UBP1: variants seen among roughly 807,000 people sequenced by gnomAD.
UBP1 encodes upstream binding protein 1, also known as upstream-binding protein 1.
Under a neutral mutation model 76.1 loss-of-function variants are expected in UBP1, and 22 were observed. That is an observed-to-expected ratio of 0.29 (90% CI 0.21 to 0.41). The LOEUF is 0.41. Ranked by LOEUF, UBP1 falls within the 10% of genes least tolerant of loss-of-function variation. The probability of loss-of-function intolerance (pLI) is 1.00; values close to 1 mark genes in which losing one functional copy is unlikely to be tolerated. For synonymous variants in UBP1, 224 were observed against 237.1 expected (o/e 0.94, Z 0.51); for missense variants, 436 against 668.1 (o/e 0.65, Z 3.83).
chr3:33,425,854 A>T, intron 1 of UBP1, 113 bp from the exon 2 acceptor site: 1 of 939,794 alleles, frequency 1.1e-6, no homozygotes, highest in Non-Finnish European at 1.4e-6. Flanking sequence ...GCATATAAAC[A>T]TTTAGGGATA....
In UBP1 at chr3:33,402,807, G is replaced by C. The variant is rs2044279660; in HGVS notation, c.1025C>G (p.Pro342Arg). The C allele has an allele frequency of 6.3e-7, 1 of 1,581,606 alleles. No individual in the cohort carries two copies. Among genetic ancestry groups the C allele is most frequent in the Non-Finnish European group, 8.6e-7 (1 of 1,167,578 alleles). The change falls in exon 9 of 16, where the codon CCA (proline) becomes CGA (arginine). Residue 342 changes from proline (P) to arginine (R), a missense_variant. By Grantham distance (103) the Pro-to-Arg change is moderately radical (BLOSUM62 -2). Transcript: ENST00000283629. ...GATCACACAAACTAGATACCTGTCT[G>C]GGACACTGCAAGTGCTCTGCTGTGG... ...TSPQQSTCSV[P>R]DSNSSSPNHQ...
intron 1 of UBP1, 148 bp downstream of exon 1, chr3:33,439,588 G>T: frequency 1.2e-6 from 1 of 825,830 alleles, no homozygotes. Flanking sequence ...GGGTTCCATG[G>T]CCCCCGACCG....
chr3:33,409,680 C>T, intron 5 of UBP1, 79 bp from the exon 6 acceptor site: 1 of 1,537,118 alleles, frequency 6.5e-7, no homozygotes, highest in Non-Finnish European at 8.9e-7. Context: ...CTTGAGTGAC[C>T]TGACACCACT....
intron 1 of UBP1, among the ~76,000 whole-genome samples, chr3:33,431,229 G>GT (rs2154059719): frequency 6.6e-6 from 1 of 152,256 alleles, no homozygotes; most frequent in South Asian, 2.1e-4. Context: ...AAATGAAGAA[G>GT]TTAAGAAGGG....
rs1410936311 is a variant in UBP1 at position 33,411,647 on chromosome 3, A to T, written c.489T>A (p.Asn163Lys). ...ATTCAACCGCATTTAACTGGCTTGG[A>T]TTCGTCCTTGTGTCAATTATTCCCA... ...MSVGIIDTRTNPSQLNAVEFL... is the reference protein window; with the variant it reads ...MSVGIIDTRTKPSQLNAVEFL... Residue 163 changes from asparagine (N) to lysine (K), a missense_variant, in exon 5 of 16, where the codon AAT becomes AAA. Physicochemically the swap from Asn to Lys is moderately conservative, Grantham distance 94. Transcript: ENST00000283629. 3.1e-6 allele frequency: 5 copies of T among 1,614,142 alleles called. No individual in the cohort carries two copies. Among genetic ancestry groups the T allele is most frequent in the Non-Finnish European group, 4.2e-6 (5 of 1,180,010 alleles).
At position 33,412,173 on chromosome 3, in the gene UBP1, C is replaced by T. The variant is rs538055480; in HGVS notation, c.449-486G>A. 1.4e-4 allele frequency among the ~76,000 whole-genome samples: 17 copies of T among 125,766 alleles called. 1 individual carries two copies. The South Asian group carries it at 3.3e-3, about 24-fold the overall frequency. 82.5% of individuals were successfully genotyped at this position (125,766 alleles called of 152,430 possible). ...CTGCACTCCAGCCTGGGCAACAGAG[C>T]GAAACTCCGTCTCAAAAAAAAAAAA... On this transcript the variant is annotated intron_variant, in intron 4 of 15. Coordinates refer to ENST00000283629, the MANE Select transcript of UBP1 (RefSeq NM_014517.5).
At chr3:33,434,682 CTTTTTTTT>C (rs10709462) in intron 1 of UBP1, among the ~76,000 whole-genome samples, 75 of 87,722 alleles carry the variant, frequency 8.5e-4, no homozygotes, top group African/African-American at 3.0e-3. Context: ...AATGGTTTTA[CTTTTTTTT>C]TTTTTTTTTT....
intron 3 of UBP1, among the ~76,000 whole-genome samples, chr3:33,413,364 G>A (rs979767281): frequency 2.0e-5 from 3 of 151,564 alleles, no homozygotes; most frequent in Non-Finnish European, 4.4e-5. Context: ...TGGCTAACAC[G>A]GTGAAACCCC....
At chr3:33,405,042 G>C (rs1027966676) in intron 8 of UBP1, among the ~76,000 whole-genome samples, 2 of 152,116 alleles carry the variant, frequency 1.3e-5, no homozygotes, top group African/African-American at 4.8e-5. Flanking sequence ...TCTTGACTGA[G>C]TTAAGAGGCT....
upstream of UBP1, chr3:33,440,955 C>G (rs932554657): frequency 3.3e-5 from 5 of 152,364 alleles, no homozygotes; most frequent in Middle Eastern, 6.8e-3. Flanking sequence ...GTGCAGAAAA[C>G]CTTGATTGGC....
In UBP1 at chr3:33,402,859, G is replaced by A; in HGVS notation, c.973C>T (p.Pro325Ser). 1 of 1,610,380 alleles carries A rather than the reference G, an allele frequency of 6.2e-7. No homozygotes were observed. The highest frequency in any genetic ancestry group is 8.5e-7 in the Non-Finnish European group (1 of 1,178,716). Residue 325 changes from proline (P) to serine (S), a missense_variant, in exon 9 of 16, where the codon CCT (proline) becomes TCT (serine). Transcript: ENST00000283629. ...GAGGTGAAAGTGGGCGCTGGGGAAG[G>A]GCTGTTATTCACATAGGCTGTGGGG... is the stretch of plus-strand genomic sequence containing the variant. ...DAPTAYVNNS[P>S]SPAPTFTSPQ...
At chr3:33,393,739 A>G (rs891383035) in intron 13 of UBP1, among the ~76,000 whole-genome samples, 3 of 152,180 alleles carry the variant, frequency 2.0e-5, no homozygotes, top group East Asian at 3.9e-4. Flanking sequence ...ATTTTTCTTC[A>G]TATTTTTATT....
intron 1 of UBP1, among the ~76,000 whole-genome samples, chr3:33,430,393 G>A (rs1379988837): frequency 6.6e-6 from 1 of 152,210 alleles, no homozygotes; most frequent in African/African-American, 2.4e-5. Context: ...GGGAACCACT[G>A]ACAGGTAGGG....
chr3:33,425,873 T>G (rs1245074145), intron 1 of UBP1, 132 bp from the exon 2 acceptor site: 1 of 694,436 alleles, frequency 1.4e-6, no homozygotes, highest in Middle Eastern at 3.0e-4. Context: ...TAGTTTTTTT[T>G]TTAAGATCAG....
chr3:33,434,683 T>C (rs899686346), intron 1 of UBP1, among the ~76,000 whole-genome samples: 18 of 60,934 alleles, frequency 3.0e-4, no homozygotes, highest in African/African-American at 8.3e-4. Context: ...ATGGTTTTAC[T>C]TTTTTTTTTT....
chr3:33,411,369 A>C (rs1323943028), intron 5 of UBP1, among the ~76,000 whole-genome samples: 1 of 152,230 alleles, frequency 6.6e-6, no homozygotes, highest in Non-Finnish European at 1.5e-5. Context: ...ATAACATTTG[A>C]ATAATGCTTT....
At chr3:33,427,849 A>AT (rs777299708) in intron 1 of UBP1, among the ~76,000 whole-genome samples, 1 of 152,200 alleles carries the variant, frequency 6.6e-6, no homozygotes, top group Non-Finnish European at 1.5e-5. Flanking sequence ...TGACCTAGGG[A>AT]TTTTGCCCCA....
rs146810352 is a variant in UBP1, at chr3:33,390,244, C to T, written c.*87G>A. On this transcript the variant is annotated 3_prime_UTR_variant, in exon 16 of 16. Coordinates refer to ENST00000283629, the MANE Select transcript of UBP1 (RefSeq NM_014517.5). ...TATGAAACATTTCATATGGTAAAAT[C>T]CAATCCCAAGACTTCTTGGATTCAG... 3,167 of 1,355,230 alleles carry T rather than the reference C, an allele frequency of 2.3e-3. 49 individuals are homozygous for T. Among genetic ancestry groups the T allele is most frequent in the East Asian group, 0.023 (974 of 43,040 alleles). 84.0% of individuals were successfully genotyped at this position (1,355,230 alleles called of 1,614,324 possible). A position where few individuals can be genotyped will look rare whatever the true frequency, so the allele number is the denominator to read the frequency against.
intron 1 of UBP1, among the ~76,000 whole-genome samples, chr3:33,430,427 T>C (rs888603306): frequency 2.0e-5 from 3 of 152,150 alleles, no homozygotes; most frequent in East Asian, 3.9e-4. Context: ...GACAAGCAAG[T>C]GAAAAGACTT....
Sources: allele counts gnomAD v4.1 joint callset (sites outside exome capture counted in the v4.1 genomes callset), GRCh38; gene constraint gnomAD v4.1.1; transcripts MANE v1.5; gene names NCBI Gene and HGNC (gene_info 2026-07-23, HGNC 2026-07-21).